DNAAF4: variants seen among roughly 807,000 people sequenced by gnomAD.
DNAAF4 encodes the protein dynein axonemal assembly factor 4, also known as dynein assembly factor 4, axonemal.
Under a neutral mutation model 51.8 loss-of-function variants are expected in DNAAF4, and 43 were observed. That is an observed-to-expected ratio of 0.83 (90% CI 0.65 to 1.07). DNAAF4 has a LOEUF of 1.07. Ranked by LOEUF, DNAAF4 falls within the 50% of genes least tolerant of loss-of-function variation. The pLI is 0.00. For missense variants in DNAAF4, 581 were observed against 493.0 expected (o/e 1.18, Z -1.69); for synonymous variants, 194 against 165.6 (o/e 1.17, Z -1.32).
intron 5 of DNAAF4, among the ~76,000 whole-genome samples, chr15:55,451,439 T>C (rs1377981431): frequency 6.6e-6 from 1 of 152,108 alleles, no homozygotes; most frequent in Non-Finnish European, 1.5e-5. Flanking sequence ...CATTTCTAGG[T>C]ATGTAAGAAC....
rs750319648 is a variant in DNAAF4, at chr15:55,497,869, A to C, written c.124-10T>G. On this transcript the variant is annotated splice_polypyrimidine_tract_variant and intron_variant, in intron 2 of 9. Transcript: ENST00000321149. ...ATGGAGGAAAGTTGACCTATGCAGA[A>C]GGGTGAAAACAGAAACTAAGTTAGT... is the stretch of plus-strand genomic sequence containing the variant. The C allele has an allele frequency of 6.3e-7, 1 of 1,592,414 alleles. No homozygotes were observed. The highest frequency in any genetic ancestry group is 1.4e-5 in the African/African-American group (1 of 73,852).
intron 4 of DNAAF4, among the ~76,000 whole-genome samples, chr15:55,475,945 G>A (rs996577585): frequency 2.0e-5 from 3 of 152,102 alleles, no homozygotes; most frequent in Non-Finnish European, 2.9e-5. Flanking sequence ...AGAGAGCTAC[G>A]GATGCATGGT....
chr15:55,498,170 A>AC, intron 2 of DNAAF4, 37 bp downstream of exon 2: 1 of 1,613,902 alleles, frequency 6.2e-7, no homozygotes, highest in Non-Finnish European at 8.5e-7. Flanking sequence ...TTCGGACCAC[A>AC]CCCCCGGAGA....
chr15:55,494,503 C>T (rs2058614489), intron 3 of DNAAF4, among the ~76,000 whole-genome samples: 1 of 151,908 alleles, frequency 6.6e-6, no homozygotes, highest in African/African-American at 2.4e-5. Context: ...CCTCCACCAC[C>T]CGGGTTCAAG....
Position 55,445,732 on chromosome 15 carries a change from C to T in DNAAF4, c.783+4490G>A, listed in dbSNP as rs915179381. Among the ~76,000 whole-genome samples, 125 of 142,926 alleles carry T rather than the reference C, an allele frequency of 8.7e-4. 1 individual carries two copies. The highest frequency in any genetic ancestry group is 2.8e-4 in the Admixed American group (4 of 14,200). The allele number at this position is 142,926 out of a possible 152,430, so 93.8% of individuals were successfully genotyped here. A position where few individuals can be genotyped will look rare whatever the true frequency, so the allele number is the denominator to read the frequency against. On this transcript the variant is annotated intron_variant, in intron 6 of 9. Coordinates refer to ENST00000321149, the MANE Select transcript of DNAAF4 (RefSeq NM_130810.4). ...GCAGAGGCACTCCTCACCTCCCAGACGGGGCGGCCGGGAAGAGGCGCTCCC... is the reference window on the plus strand; with the variant it reads ...GCAGAGGCACTCCTCACCTCCCAGATGGGGCGGCCGGGAAGAGGCGCTCCC...
intron 6 of DNAAF4, among the ~76,000 whole-genome samples, chr15:55,440,933 G>C (rs1208112476): frequency 6.6e-6 from 1 of 151,822 alleles, no homozygotes; most frequent in East Asian, 1.9e-4. Flanking sequence ...CACCCACCTT[G>C]GCCTCCCAAA....
intron 6 of DNAAF4, among the ~76,000 whole-genome samples, chr15:55,448,978 TTA>T (rs1004721821): frequency 6.6e-6 from 1 of 151,490 alleles, no homozygotes; most frequent in Non-Finnish European, 1.5e-5. Context: ...TATATTGTCA[TTA>T]TGTCTTTTAT....
intron 5 of DNAAF4, among the ~76,000 whole-genome samples, chr15:55,450,954 C>T (rs1237287701): frequency 2.0e-5 from 3 of 152,056 alleles, no homozygotes; most frequent in African/African-American, 7.2e-5. Flanking sequence ...AAAAATTAGC[C>T]AGGCCTGTGG....
At chr15:55,495,954 C>T (rs191793469) in intron 3 of DNAAF4, among the ~76,000 whole-genome samples, 19 of 152,090 alleles carry the variant, frequency 1.2e-4, no homozygotes, top group Admixed American at 1.2e-3. Flanking sequence ...AGGCCGGTCG[C>T]GGTGGCTCAT....
At chr15:55,474,394 C>T (rs2058308015) in intron 4 of DNAAF4, among the ~76,000 whole-genome samples, 1 of 151,360 alleles carries the variant, frequency 6.6e-6, no homozygotes, top group Non-Finnish European at 1.5e-5. Flanking sequence ...ATTAGCCAGG[C>T]GTGGTGGTGC....
At chr15:55,418,672 C>T in intron 7 of DNAAF4, 1 of 824,378 alleles carries the variant, frequency 1.2e-6, no homozygotes, top group Non-Finnish European at 1.8e-6. Flanking sequence ...AGTTTTGAAT[C>T]AATTTTTAAA....
At chr15:55,477,297 A>G (rs1388715112) in intron 4 of DNAAF4, among the ~76,000 whole-genome samples, 4 of 152,214 alleles carry the variant, frequency 2.6e-5, no homozygotes, top group Non-Finnish European at 5.9e-5. Flanking sequence ...TTTTACCACA[A>G]TTAGAAAATA....
chr15:55,500,805 G>A (rs1278815498), intron 1 of DNAAF4, among the ~76,000 whole-genome samples: 2 of 151,804 alleles, frequency 1.3e-5, no homozygotes, highest in Non-Finnish European at 2.9e-5. Context: ...CCAGCCTGAC[G>A]AACATAGAGA....
chr15:55,424,899 G>A (rs1337323345), intron 7 of DNAAF4, among the ~76,000 whole-genome samples: 1 of 148,744 alleles, frequency 6.7e-6, no homozygotes, highest in Non-Finnish European at 1.5e-5. Flanking sequence ...TTTTGCTCTT[G>A]TTGCCCAGGC....
downstream of DNAAF4, among the ~76,000 whole-genome samples, chr15:55,427,240 G>GT (rs1233286198): frequency 1.3e-5 from 2 of 151,836 alleles, no homozygotes; most frequent in Non-Finnish European, 2.9e-5. Context: ...TGATTTTTTT[G>GT]TTTTTTTAGT....
chr15:55,464,637 G>T (rs1157401329), intron 5 of DNAAF4, among the ~76,000 whole-genome samples: 2 of 152,046 alleles, frequency 1.3e-5, no homozygotes, highest in Non-Finnish European at 2.9e-5. Flanking sequence ...TCAAAAAGTG[G>T]GCTAAGGACA....
chr15:55,429,461 C>T (rs12911195), downstream of DNAAF4, among the ~76,000 whole-genome samples: 147,683 of 150,304 alleles, frequency 0.98, 72,600 homozygotes, highest in East Asian at 1. Flanking sequence ...GAGGATGCAG[C>T]GAGCTATGAT....
chr15:55,439,937 G>A (rs2057681181), intron 6 of DNAAF4, among the ~76,000 whole-genome samples: 1 of 152,126 alleles, frequency 6.6e-6, no homozygotes, highest in Non-Finnish European at 1.5e-5. Context: ...AATCATGCTG[G>A]CACCCTGATC....
intron 1 of DNAAF4, among the ~76,000 whole-genome samples, chr15:55,499,675 A>G (rs2058683391): frequency 6.6e-6 from 1 of 152,230 alleles, no homozygotes; most frequent in African/African-American, 2.4e-5. Context: ...CTGAAGAGAA[A>G]CCACCCTATG....
Sources: allele counts gnomAD v4.1 joint callset (sites outside exome capture counted in the v4.1 genomes callset), GRCh38; gene constraint gnomAD v4.1.1; transcripts MANE v1.5; gene names NCBI Gene and HGNC (gene_info 2026-07-23, HGNC 2026-07-21).